The following PDE4D variants were observed in gnomAD, a reference collection of about 807,000 sequenced individuals.
The protein encoded by PDE4D is phosphodiesterase 4D, also known as 3',5'-cyclic-AMP phosphodiesterase 4D.
PDE4D carries 24 observed loss-of-function variants against 87.4 expected under a neutral mutation model. The observed-to-expected ratio is 0.27, with a 90% confidence interval of 0.20 to 0.39. PDE4D has a LOEUF of 0.39. PDE4D is among the 10% of genes least tolerant of loss of function. PDE4D has a pLI of 1.00. For synonymous variants in PDE4D, 384 were observed against 383.2 expected (o/e 1.00, Z -0.02); for missense variants, 714 against 1,041.0 (o/e 0.69, Z 4.32).
At chr5:60,218,974 C>A (rs1317235245) in intron 1 of PDE4D, among the ~76,000 whole-genome samples, 2 of 152,086 alleles carry the variant, frequency 1.3e-5, no homozygotes, top group African/African-American at 4.8e-5. Flanking sequence ...AAAGCACCCT[C>A]AAATAATTAT....
At chr5:60,085,172 G>A (rs568802042) in intron 2 of PDE4D, among the ~76,000 whole-genome samples, 1 of 152,084 alleles carries the variant, frequency 6.6e-6, no homozygotes, top group African/African-American at 2.4e-5. Flanking sequence ...ATTATTCACA[G>A]GTTAATCTTC....
chr5:60,240,315 A>C (rs1003660428), intron 1 of PDE4D, among the ~76,000 whole-genome samples: 1 of 151,922 alleles, frequency 6.6e-6, no homozygotes, highest in Non-Finnish European at 1.5e-5. Flanking sequence ...CAAAAATCAC[A>C]CCTTCAGAAG....
intron 5 of PDE4D, among the ~76,000 whole-genome samples, chr5:59,082,676 T>TAAAAATGTAAAATGTAAAAATGTAAAAA: frequency 1.3e-5 from 2 of 152,298 alleles, no homozygotes; most frequent in Admixed American, 1.3e-4. Context: ...AGGACATTTT[T>TAAAAATGTAAAATGTAAAAATGTAAAAA]AAAAACTTGA....
chr5:60,406,612 A>T (rs574546869), intron 1 of PDE4D, among the ~76,000 whole-genome samples: 1 of 152,304 alleles, frequency 6.6e-6, no homozygotes, highest in South Asian at 2.1e-4. Context: ...ATTTATGATC[A>T]CACTTCCACC....
At chr5:60,146,260 G>T (rs994567148) in intron 2 of PDE4D, among the ~76,000 whole-genome samples, 2 of 152,146 alleles carry the variant, frequency 1.3e-5, no homozygotes, top group Admixed American at 6.5e-5. Flanking sequence ...TATGTTTATT[G>T]CTCAGCACAG....
At chr5:59,691,671 TAACG>T (rs1312591125) in intron 1 of PDE4D, among the ~76,000 whole-genome samples, 6 of 151,532 alleles carry the variant, frequency 4.0e-5, no homozygotes, top group African/African-American at 1.2e-4. Context: ...TATACATATG[TAACG>T]AACCTTCACG....
intron 3 of PDE4D, among the ~76,000 whole-genome samples, chr5:59,960,678 T>C (rs908913864): frequency 8.6e-5 from 13 of 151,862 alleles, no homozygotes; most frequent in African/African-American, 3.1e-4. Flanking sequence ...TACATAACGA[T>C]GGGAACAGTG....
intron 5 of PDE4D, among the ~76,000 whole-genome samples, chr5:59,130,414 A>T (rs939397919): frequency 6.6e-6 from 1 of 152,212 alleles, no homozygotes; most frequent in African/African-American, 2.4e-5. Flanking sequence ...CGTAAAGCAC[A>T]TTTTCACTGT....
intron 6 of PDE4D, among the ~76,000 whole-genome samples, chr5:58,999,008 T>C (rs958535743): frequency 9.9e-5 from 15 of 152,176 alleles, no homozygotes; most frequent in Admixed American, 8.5e-4. Flanking sequence ...ATCACTTACA[T>C]AGTTAAGTAA....
At chr5:60,471,541 A>G (rs867623978) in intron 1 of PDE4D, among the ~76,000 whole-genome samples, 1 of 152,166 alleles carries the variant, frequency 6.6e-6, no homozygotes, top group Middle Eastern at 3.2e-3. Context: ...CGATTGATGT[A>G]GCAAATTTCA....
At chr5:60,024,289 T>C (rs1470939642) in intron 2 of PDE4D, among the ~76,000 whole-genome samples, 1 of 152,192 alleles carries the variant, frequency 6.6e-6, no homozygotes. Context: ...GTGGTTCAAG[T>C]ACCACAAATG....
chr5:59,872,605 TTC>T (rs1414776657), intron 1 of PDE4D, among the ~76,000 whole-genome samples: 1 of 152,222 alleles, frequency 6.6e-6, no homozygotes, highest in African/African-American at 2.4e-5. Context: ...TTAGTTCTAG[TTC>T]TTTCTCCTCC....
intron 3 of PDE4D, among the ~76,000 whole-genome samples, chr5:59,923,021 C>A (rs1754840689): frequency 6.6e-6 from 1 of 152,090 alleles, no homozygotes; most frequent in Admixed American, 6.5e-5. Flanking sequence ...TTACCACAAG[C>A]TGACTGAAGA....
chr5:60,142,514 A>C (rs927070196), intron 2 of PDE4D, among the ~76,000 whole-genome samples: 5 of 152,200 alleles, frequency 3.3e-5, no homozygotes, highest in Admixed American at 2.0e-4. Context: ...GGCTTTGTGA[A>C]GCAGATGAAA....
In PDE4D at chr5:60,448,453, T is replaced by C. The variant is rs530476495; in HGVS notation, c.-90+39489A>G. 9.2e-5 allele frequency among the ~76,000 whole-genome samples: 14 copies of C among 152,282 alleles called. No individual in the cohort carries two copies. The South Asian group carries it at 2.9e-3, about 32-fold the overall frequency. On this transcript the variant is annotated intron_variant, in intron 1 of 16. Coordinates refer to the PDE4D transcript ENST00000502484. ...TGCAACAGAAAAACCTTCATTCATATTTTGGCCATCAACACTACTCAATAA... is the reference window on the plus strand; with the variant it reads ...TGCAACAGAAAAACCTTCATTCATACTTTGGCCATCAACACTACTCAATAA...
intron 1 of PDE4D, among the ~76,000 whole-genome samples, chr5:59,436,889 C>G (rs1796871126): frequency 6.6e-6 from 1 of 152,090 alleles, no homozygotes; most frequent in East Asian, 1.9e-4. Context: ...GAGAAAACCA[C>G]ATGGACGGAT....
At chr5:60,314,322 A>G (rs1473480202) in intron 1 of PDE4D, among the ~76,000 whole-genome samples, 2 of 151,788 alleles carry the variant, frequency 1.3e-5, no homozygotes, top group African/African-American at 4.8e-5. Context: ...ACATGCTGCC[A>G]TGCCCAACTG....
At chr5:59,213,221 G>A (rs920753490) in intron 2 of PDE4D, among the ~76,000 whole-genome samples, 2 of 149,782 alleles carry the variant, frequency 1.3e-5, no homozygotes, top group African/African-American at 2.5e-5. Flanking sequence ...CTGGACTGCA[G>A]TGGCATGATC....
chr5:59,052,245 TTGGATGTAGG>T (rs1761666122), intron 5 of PDE4D, among the ~76,000 whole-genome samples: 1 of 152,060 alleles, frequency 6.6e-6, no homozygotes, highest in Non-Finnish European at 1.5e-5. Flanking sequence ...GAAGGTGAAC[TTGGATGTAGG>T]TCTTCAAGGA....
Sources: allele counts gnomAD v4.1 joint callset (sites outside exome capture counted in the v4.1 genomes callset), GRCh38; gene constraint gnomAD v4.1.1; transcripts MANE v1.5; gene names NCBI Gene and HGNC (gene_info 2026-07-23, HGNC 2026-07-21).